Variants in FYB2 observed in about 807,000 individuals in gnomAD.
FYB2 encodes the protein FYN binding protein 2, also known as FYN-binding protein 2.
A neutral mutation model predicts 94.1 loss-of-function variants in FYB2; 103 were observed. That is an observed-to-expected ratio of 1.09 (90% CI 0.93 to 1.29). The LOEUF is 1.29. FYB2 is among the 50% of genes most tolerant of loss of function. The probability of loss-of-function intolerance (pLI) is 0.00; values close to 1 mark genes in which losing one functional copy is unlikely to be tolerated. For missense variants in FYB2, 896 were observed against 841.5 expected (o/e 1.06, Z -0.80); for synonymous variants, 293 against 287.9 (o/e 1.02, Z -0.18).
At chr1:56,741,434 A>C (rs1644950149) in intron 12 of FYB2, among the ~76,000 whole-genome samples, 1 of 152,100 alleles carries the variant, frequency 6.6e-6, no homozygotes, top group South Asian at 2.1e-4. Context: ...TTTTTAATTT[A>C]CTGAATAATA....
chr1:56,819,416 G>A (rs987213059), upstream of FYB2: 3 of 1,361,928 alleles, frequency 2.2e-6, no homozygotes, highest in African/African-American at 2.9e-5. Flanking sequence ...GGACACACCT[G>A]AGCCCAGGCT....
chr1:56,730,826 T>C (rs1644691602), intron 15 of FYB2, among the ~76,000 whole-genome samples: 1 of 151,820 alleles, frequency 6.6e-6, no homozygotes, highest in Non-Finnish European at 1.5e-5. Flanking sequence ...CAGACAAGGA[T>C]ACGAAAAAGA....
chr1:56,747,667 G>T (rs1009978436), intron 9 of FYB2, among the ~76,000 whole-genome samples: 12 of 151,528 alleles, frequency 7.9e-5, no homozygotes, highest in Non-Finnish European at 1.5e-4. Flanking sequence ...TTGATGGATT[G>T]TTTCCAAGTC....
chr1:56,724,654 T>C (rs1644550914), intron 16 of FYB2, among the ~76,000 whole-genome samples: 1 of 152,034 alleles, frequency 6.6e-6, no homozygotes, highest in Non-Finnish European at 1.5e-5. Context: ...CTATTGCCAA[T>C]AGGATAAAGT....
At chr1:56,826,119 G>T in the FYB2 span, among the ~76,000 whole-genome samples, 1 of 152,164 alleles carries the variant, frequency 6.6e-6, no homozygotes, top group African/African-American at 2.4e-5. Flanking sequence ...TGAGAGTCTA[G>T]CTTCACCTCA....
intron 3 of FYB2, among the ~76,000 whole-genome samples, chr1:56,788,553 G>A (rs895442539): frequency 1.3e-5 from 2 of 152,158 alleles, no homozygotes; most frequent in Non-Finnish European, 1.5e-5. Context: ...AGCAGATTAT[G>A]GAGGCCTGAG....
At chr1:56,810,399 CCT>C (rs67050881) in intron 1 of FYB2, among the ~76,000 whole-genome samples, 28,410 of 151,594 alleles carry the variant, frequency 0.19, 2,956 homozygotes, top group East Asian at 0.47. Context: ...CCCTCACTCC[CCT>C]GTTTCCCACC....
intron 4 of FYB2, among the ~76,000 whole-genome samples, chr1:56,785,158 A>G (rs886842974): frequency 6.6e-6 from 1 of 152,208 alleles, no homozygotes; most frequent in East Asian, 1.9e-4. Flanking sequence ...ATGGGCCATC[A>G]CAGCAAGTTT....
At chr1:56,760,078 C>CA (rs35665176) in intron 5 of FYB2, among the ~76,000 whole-genome samples, 15,939 of 112,254 alleles carry the variant, frequency 0.14, 2,122 homozygotes, top group African/African-American at 0.37. Flanking sequence ...GACTCCATCA[C>CA]AAAAAAAAAA....
intron 1 of FYB2, among the ~76,000 whole-genome samples, chr1:56,817,553 G>C (rs1646911464): frequency 6.6e-6 from 1 of 152,122 alleles, no homozygotes; most frequent in Non-Finnish European, 1.5e-5. Context: ...AGGAAGGCAG[G>C]TATCTTCAAC....
At chr1:56,731,229 G>A (rs1279887540) in intron 15 of FYB2, among the ~76,000 whole-genome samples, 3 of 152,184 alleles carry the variant, frequency 2.0e-5, no homozygotes, top group Non-Finnish European at 4.4e-5. Flanking sequence ...TGGCAGGAAA[G>A]ATCGCTGGCT....
At chr1:56,720,617 ATTC>A (rs1170199717) in intron 17 of FYB2, 2 of 224,306 alleles carry the variant, frequency 8.9e-6, no homozygotes, top group Non-Finnish European at 1.7e-5. Flanking sequence ...TTTTAAAATT[ATTC>A]TTTTTAGGTA....
chr1:56,719,622 T>C lies in FYB2; in HGVS notation c.*49A>G, dbSNP rs1455248992. 2.6e-6 allele frequency: 4 copies of C among 1,520,946 alleles called. No individual in the cohort carries two copies. The African/African-American group carries it at 4.2e-5, about 16-fold the overall frequency. 94.2% of individuals were successfully genotyped at this position (1,520,946 alleles called of 1,614,324 possible). On this transcript the variant is annotated 3_prime_UTR_variant, in exon 20 of 20. Coordinates refer to ENST00000343433, the MANE Select transcript of FYB2 (RefSeq NM_001004303.5). ...CTGATGTAACGCAGGACTAGGATCT[T>C]AGGACTAGTTCTCCTTTGTGCAGTC...
chr1:56,810,141 T>A (rs1049637257), intron 1 of FYB2, among the ~76,000 whole-genome samples: 6 of 152,184 alleles, frequency 3.9e-5, no homozygotes, highest in African/African-American at 1.4e-4. Context: ...ATGAAATGAC[T>A]GTGGCAGAGT....
chr1:56,764,883 C>T (rs935874036), intron 5 of FYB2, among the ~76,000 whole-genome samples: 8 of 152,174 alleles, frequency 5.3e-5, no homozygotes, highest in African/African-American at 1.9e-4. Flanking sequence ...CTCACTGTGC[C>T]CTCATATGGA....
At chr1:56,796,567 T>A (rs553874660) in intron 1 of FYB2, among the ~76,000 whole-genome samples, 5 of 152,140 alleles carry the variant, frequency 3.3e-5, no homozygotes, top group African/African-American at 1.2e-4. Context: ...ACAAATCTGA[T>A]CATGTAAGTC....
chr1:56,763,275 G>C (rs1645542599), intron 5 of FYB2, among the ~76,000 whole-genome samples: 1 of 152,036 alleles, frequency 6.6e-6, no homozygotes, highest in African/African-American at 2.4e-5. Context: ...GGTAATACTA[G>C]CTTTAAAAAA....
At chr1:56,733,574 G>A (rs897161691) in intron 15 of FYB2, among the ~76,000 whole-genome samples, 3 of 151,932 alleles carry the variant, frequency 2.0e-5, no homozygotes, top group Non-Finnish European at 4.4e-5. Context: ...GCATTTAGTG[G>A]TATAAATTTC....
At chr1:56,819,485 G>A, upstream of FYB2, 1 of 713,360 alleles carries the variant, frequency 1.4e-6, no homozygotes, top group Non-Finnish European at 2.3e-6. Flanking sequence ...GCCAGGGCCG[G>A]CCGCCATCCT....
Sources: gnomAD v4.1 joint callset for allele counts (sites outside exome capture counted in the v4.1 genomes callset) on GRCh38, gnomAD v4.1.1 for gene constraint, MANE v1.5 for transcripts, NCBI Gene and HGNC (gene_info 2026-07-23, HGNC 2026-07-21) for gene names.